Variants in ATL2 observed in about 807,000 individuals in gnomAD.
ATL2 encodes atlastin-2.
Under a neutral mutation model 73.9 loss-of-function variants are expected in ATL2, and 31 were observed. That is an observed-to-expected ratio of 0.42 (90% CI 0.32 to 0.57). The LOEUF is 0.57. ATL2 is among the 20% of genes least tolerant of loss of function. ATL2 has a pLI of 0.14. For missense variants in ATL2, 738 were observed against 702.6 expected, an observed-to-expected ratio of 1.05 and a Z score of -0.57; for synonymous variants, 291 against 237.5, an observed-to-expected ratio of 1.23 and a Z score of -2.07.
At chr2:38,314,858 A>G (rs557374503) in intron 5 of ATL2, among the ~76,000 whole-genome samples, 194 bp from the exon 6 acceptor site, 2 of 152,208 alleles carry the variant, frequency 1.3e-5, no homozygotes, top group Non-Finnish European at 2.9e-5. Context: ...TTAAACCCAT[A>G]TAACATTCAA....
intron 1 of ATL2, among the ~76,000 whole-genome samples, chr2:38,364,445 A>G (rs1284646002): frequency 1.3e-5 from 2 of 152,190 alleles, no homozygotes; most frequent in Non-Finnish European, 2.9e-5. Flanking sequence ...CAATTTCAAG[A>G]GCCCGAATAT....
chr2:38,332,696 A>G (rs1669069567), intron 2 of ATL2, among the ~76,000 whole-genome samples: 1 of 152,220 alleles, frequency 6.6e-6, no homozygotes, highest in African/African-American at 2.4e-5. Flanking sequence ...TCCTAGTCAC[A>G]CAAAACCCAC....
chr2:38,375,249 T>C (rs72907890), intron 1 of ATL2, among the ~76,000 whole-genome samples: 9,112 of 152,268 alleles, frequency 0.06, 915 homozygotes, highest in African/African-American at 0.21. Context: ...GTCCTTTTCA[T>C]TCAGTCTGTT....
At chr2:38,369,352 A>C (rs1671530168) in intron 1 of ATL2, among the ~76,000 whole-genome samples, 1 of 152,190 alleles carries the variant, frequency 6.6e-6, no homozygotes, top group South Asian at 2.1e-4. Flanking sequence ...TGGGAGGCAG[A>C]GGCACGAGAA....
chr2:38,329,898 TC>T (rs1668883113), intron 2 of ATL2, among the ~76,000 whole-genome samples: 1 of 151,838 alleles, frequency 6.6e-6, no homozygotes, highest in African/African-American at 2.4e-5. Flanking sequence ...GGAGGCCAAG[TC>T]GGGCAGAATA....
intron 1 of ATL2, among the ~76,000 whole-genome samples, chr2:38,350,654 C>T (rs531252867): frequency 1.3e-5 from 2 of 152,158 alleles, no homozygotes; most frequent in African/African-American, 4.8e-5. Flanking sequence ...TTAACAAAAG[C>T]ACCACTGTGG....
At position 38,315,411 on chromosome 2, in the gene ATL2, G is replaced by T. The variant is rs1573460728; in HGVS notation, c.604-77C>A. On this transcript the variant is annotated intron_variant, in intron 4 of 12. Transcript: ENST00000378954. The stretch of plus-strand genomic sequence containing the variant: ...CCAGCTTCTGTATAACTTTACTTGT[G>T]GAAAAAAGGTTATTTTGTATCTCAG... 3 of 1,410,714 alleles carry T rather than the reference G, an allele frequency of 2.1e-6. No individual in the cohort carries two copies. The Admixed American group carries it at 9.1e-5, about 43-fold the overall frequency. 87.4% of individuals were successfully genotyped at this position (1,410,714 alleles called of 1,614,324 possible).
chr2:38,376,332 C>T (rs1671964696), intron 1 of ATL2: 2 of 1,094,560 alleles, frequency 1.8e-6, no homozygotes, highest in South Asian at 2.5e-5. Context: ...GCTCCTGGTA[C>T]ACGTACAGTA....
In ATL2 at chr2:38,329,992, G is replaced by A. The variant is rs190807857; in HGVS notation, c.364-10973C>T. 1.3e-3 allele frequency among the ~76,000 whole-genome samples: 205 copies of A among 152,104 alleles called. 1 individual carries two copies. Among genetic ancestry groups the A allele is most frequent in the African/African-American group, 1.3e-3 (54 of 41,506 alleles). ...AAAAATACAAAAATTAGCCAGGCAC[G>A]GTGGTATGCACCTGTAATCCCAGCT... is the stretch of plus-strand genomic sequence containing the variant. On this transcript the variant is annotated intron_variant, in intron 2 of 12. Transcript: ENST00000378954.
intron 1 of ATL2, among the ~76,000 whole-genome samples, chr2:38,352,186 G>T (rs1392692314): frequency 7.4e-6 from 1 of 135,744 alleles, no homozygotes; most frequent in Non-Finnish European, 1.6e-5. Flanking sequence ...GTGGGAAAAG[G>T]GCAGACTACA....
intron 1 of ATL2, chr2:38,376,134 T>C (rs1394162455): frequency 1.3e-6 from 2 of 1,527,192 alleles, no homozygotes; most frequent in Non-Finnish European, 1.8e-6. Flanking sequence ...AGGCTTTTAC[T>C]ATTTATAAGC....
intron 6 of ATL2, 145 bp downstream of exon 6, chr2:38,314,462 AC>A: frequency 1.8e-6 from 1 of 571,290 alleles, no homozygotes; most frequent in South Asian, 2.4e-5. Context: ...TGCTGATGAT[AC>A]TACCAAAGGT....
At chr2:38,301,608 T>C (rs892979810) in intron 9 of ATL2, among the ~76,000 whole-genome samples, 3 of 152,326 alleles carry the variant, frequency 2.0e-5, no homozygotes, top group East Asian at 1.9e-4. Context: ...AATTTTTGCA[T>C]TGAAACTCAG....
Position 38,294,197 on chromosome 2 carries a change from A to C in ATL2, c.*1797T>G, listed in dbSNP as rs545210760. Among the ~76,000 whole-genome samples the C allele has an allele frequency of 1.3e-5, 2 of 152,348 alleles. No homozygotes were observed. Among genetic ancestry groups the C allele is most frequent in the Non-Finnish European group, 2.9e-5 (2 of 68,028 alleles). On this transcript the variant is annotated 3_prime_UTR_variant, in exon 13 of 13. Transcript: ENST00000378954. ...GAGTGGGAGCGAAGATGTATCAACC[A>C]AAGTAAATTCAGAGTTTTCACACAT...
At chr2:38,377,056 C>T (rs1458976954) in intron 1 of ATL2, 87 bp downstream of exon 1, 5 of 1,328,042 alleles carry the variant, frequency 3.8e-6, no homozygotes, top group East Asian at 2.7e-5. Flanking sequence ...ACTCCGACCC[C>T]GCCGCCTGCG....
chr2:38,354,550 A>G (rs1047838154), intron 1 of ATL2, among the ~76,000 whole-genome samples: 35 of 152,052 alleles, frequency 2.3e-4, no homozygotes, highest in African/African-American at 7.5e-4. Flanking sequence ...TTAGCCCTAG[A>G]GTAACGGCTT....
rs1666920748 is a variant in ATL2, at chr2:38,296,814, C to G, written c.1633-701G>C. The G allele has an allele frequency of 1.8e-5, 26 of 1,448,570 alleles. No homozygotes were observed. In the South Asian group the frequency reaches 3.0e-4, roughly 17 times the overall value. The allele number at this position is 1,448,570 out of a possible 1,614,324, so 89.7% of individuals were successfully genotyped here. ...AAACTATACTGAAAATGATTTTATA[C>G]ACTTTAGATTCTTCCATTTAATTGT... is the stretch of plus-strand genomic sequence containing the variant. On this transcript the variant is annotated intron_variant, in intron 12 of 12. Transcript: ENST00000378954.
intron 1 of ATL2, among the ~76,000 whole-genome samples, chr2:38,369,663 G>T (rs527910031): frequency 7.0e-4 from 106 of 151,908 alleles, no homozygotes; most frequent in African/African-American, 2.4e-3. Flanking sequence ...AAGGCAGGAG[G>T]TTCACTTGAG....
At position 38,299,266 on chromosome 2, in the gene ATL2, C is replaced by T. The variant is rs913640313; in HGVS notation, c.1190G>A (p.Ser397Asn). ...VAGARDTYCKSMEQVCGGDKP... is the reference protein window; with the variant it reads ...VAGARDTYCKNMEQVCGGDKP... ...ATTTTAGGTACAAACCTGTTCCATACTTTTACAATAGGTATCTCTTGCTCC... is the reference window on the plus strand; with the variant it reads ...ATTTTAGGTACAAACCTGTTCCATATTTTTACAATAGGTATCTCTTGCTCC... The change falls in exon 11 of 13, where the codon AGT (serine) becomes AAT (asparagine). Residue 397 changes from serine to asparagine, a missense_variant. By Grantham distance (46) the Ser-to-Asn change is conservative. Coordinates refer to ENST00000378954, the MANE Select transcript of ATL2 (RefSeq NM_001135673.4). 1.3e-6 allele frequency: 2 copies of T among 1,518,354 alleles called. No homozygotes were observed. The highest frequency in any genetic ancestry group is 2.5e-5 in the Admixed American group (1 of 39,740). The allele number at this position is 1,518,354 out of a possible 1,614,324, so 94.1% of individuals were successfully genotyped here. A position where few individuals can be genotyped will look rare whatever the true frequency, so the allele number is the denominator to read the frequency against.
Sources: gnomAD v4.1 joint callset for allele counts (sites outside exome capture counted in the v4.1 genomes callset) on GRCh38, gnomAD v4.1.1 for gene constraint, MANE v1.5 for transcripts, NCBI Gene and HGNC (gene_info 2026-07-23, HGNC 2026-07-21) for gene names.